LSP1: variants seen among roughly 807,000 people sequenced by gnomAD.
The protein encoded by LSP1 is lymphocyte specific protein 1.
A neutral mutation model predicts 49.3 loss-of-function variants in LSP1; 32 were observed. That is an observed-to-expected ratio of 0.65 (90% CI 0.49 to 0.87). LSP1 has a LOEUF of 0.87. LSP1 is among the 40% of genes least tolerant of loss of function. The pLI, the probability that LSP1 is intolerant of heterozygous loss-of-function variation, is 0.00. For synonymous variants in LSP1, 179 were observed against 178.8 expected (o/e 1.00, Z -0.01); for missense variants, 428 against 442.6 (o/e 0.97, Z 0.30).
chr11:1,871,942 C>T (rs1848033967), intron 1 of LSP1, among the ~76,000 whole-genome samples: 1 of 147,614 alleles, frequency 6.8e-6, no homozygotes, highest in Non-Finnish European at 1.5e-5. Context: ...GTGTGGCGGG[C>T]AGGCCTGGGC....
chr11:1,890,587 C>A, intron 10 of LSP1: 1 of 705,968 alleles, frequency 1.4e-6, no homozygotes, highest in Non-Finnish European at 2.6e-6. Flanking sequence ...ATGAGCATGA[C>A]TGTGTCCTAG....
rs1464330389 is a variant in LSP1 at position 1,887,818 on chromosome 11, CT to C, written c.*13+243del. Among the ~76,000 whole-genome samples the C allele has an allele frequency of 9.2e-5, 14 of 152,200 alleles. 1 individual carries two copies. Among genetic ancestry groups the C allele is most frequent in the Admixed American group, 7.9e-4 (12 of 15,276 alleles). ...TCAGCCCGGCTCAGCCACTGCTCCA[CT>C]AGGGAAGCTCAAGGCTCCCATCTGG... On this transcript the variant is annotated intron_variant, in intron 10 of 10. Transcript: ENST00000311604.
At chr11:1,889,887 G>T in intron 10 of LSP1, 1 of 627,388 alleles carries the variant, frequency 1.6e-6, no homozygotes. Flanking sequence ...CTGGACTGTG[G>T]TGGGCAGTGG....
chr11:1,866,530 G>A (rs779711392), intron 1 of LSP1: 34 of 1,532,966 alleles, frequency 2.2e-5, no homozygotes, highest in Non-Finnish European at 2.5e-5. Flanking sequence ...CTGAGTTCAG[G>A]ACCAGCACCA....
intron 1 of LSP1, chr11:1,870,557 G>A (rs1347866992): frequency 1.7e-6 from 2 of 1,159,632 alleles, no homozygotes; most frequent in African/African-American, 3.2e-5. Context: ...CTGGCTGCTG[G>A]GTGCTACGGT....
intron 1 of LSP1, among the ~76,000 whole-genome samples, chr11:1,877,343 G>C (rs936582083): frequency 1.3e-5 from 2 of 152,196 alleles, no homozygotes; most frequent in African/African-American, 4.8e-5. Flanking sequence ...CACGTCCTCA[G>C]GCTGCTGGGT....
chr11:1,889,908 G>A (rs1346227923), intron 10 of LSP1: 3 of 627,308 alleles, frequency 4.8e-6, no homozygotes, highest in East Asian at 5.5e-5. Flanking sequence ...GCGGATGTGA[G>A]CCACTGGGAC....
At chr11:1,866,263 T>C (rs1410647830) in intron 1 of LSP1, among the ~76,000 whole-genome samples, 1 of 152,246 alleles carries the variant, frequency 6.6e-6, no homozygotes, top group Non-Finnish European at 1.5e-5. Context: ...TGGAGCATGC[T>C]GGCCGGACCT....
At chr11:1,861,455 G>C (rs970451742) in intron 1 of LSP1, among the ~76,000 whole-genome samples, 1 of 152,242 alleles carries the variant, frequency 6.6e-6, no homozygotes, top group African/African-American at 2.4e-5. Context: ...AGGATGGAGA[G>C]ACAGATGGAT....
At position 1,881,461 on chromosome 11, in the gene LSP1, A is replaced by G; in HGVS notation, c.221A>G (p.Glu74Gly). The part of the protein sequence containing the change: ...LLSLKPSEAP[E>G]LDEDEGFGDW... ...AGCCTGAAGCCCTCGGAGGCCCCTG[A>G]ACTGGATGAGGACGAGGGCTTTGGC... The change falls in exon 3 of 11, where the codon GAA becomes GGA. Residue 74 changes from glutamate to glycine, a missense_variant. Glu to Gly is a moderately conservative substitution (Grantham distance 98). Coordinates refer to ENST00000311604, the MANE Select transcript of LSP1 (RefSeq NM_002339.3). 1 of 1,581,088 alleles carries G rather than the reference A, an allele frequency of 6.3e-7. No individual in the cohort carries two copies. Among genetic ancestry groups the G allele is most frequent in the Non-Finnish European group, 8.6e-7 (1 of 1,162,988 alleles).
At chr11:1,853,960 T>C (rs1489091645) in intron 1 of LSP1, among the ~76,000 whole-genome samples, 2 of 152,090 alleles carry the variant, frequency 1.3e-5, no homozygotes, top group East Asian at 3.9e-4. Context: ...GCTAGCGGCT[T>C]AGTAACTGGG....
intron 1 of LSP1, chr11:1,871,270 G>C: frequency 1.0e-6 from 1 of 986,866 alleles, no homozygotes; most frequent in Non-Finnish European, 1.2e-6. Flanking sequence ...GGATGCAGCA[G>C]GCAGGGCCAC....
At chr11:1,856,065 G>A (rs1016262079) in intron 1 of LSP1, among the ~76,000 whole-genome samples, 5 of 152,142 alleles carry the variant, frequency 3.3e-5, no homozygotes, top group Admixed American at 2.0e-4. Flanking sequence ...CCAGCTGCCC[G>A]GGGGTGCCCA....
Position 1,876,605 on chromosome 11 carries a change from C to T in LSP1, c.54-3482C>T, listed in dbSNP as rs924924397. 82 of 985,526 alleles carry T rather than the reference C, an allele frequency of 8.3e-5. 1 individual carries two copies. The Middle Eastern group carries it at 1.6e-3, about 19-fold the overall frequency. The allele number at this position is 985,526 out of a possible 1,614,324, so 61.0% of individuals were successfully genotyped here. On this transcript the variant is annotated intron_variant, in intron 1 of 10. Transcript: ENST00000311604. ...GGCAGAGTCGGGACGGGGACCGAGC[C>T]GGACACCCATTCTGCAAGTGTCTGC... is the stretch of plus-strand genomic sequence containing the variant.
chr11:1,889,697 C>A, intron 10 of LSP1: 3 of 639,638 alleles, frequency 4.7e-6, no homozygotes, highest in East Asian at 5.5e-5. Flanking sequence ...CCATCGGGGG[C>A]TCCTCCAGGT....
chr11:1,866,852 T>A lies in LSP1; in HGVS notation c.54-13235T>A, dbSNP rs1444807203. On this transcript the variant is annotated intron_variant, in intron 1 of 10. Coordinates refer to ENST00000311604, the MANE Select transcript of LSP1 (RefSeq NM_002339.3). ...GGCTGTGCGGTGGCTCACCCCCTTGTCACCAGGGGCTCGGCCATGAGCATC... is the reference window on the plus strand; with the variant it reads ...GGCTGTGCGGTGGCTCACCCCCTTGACACCAGGGGCTCGGCCATGAGCATC... 2.6e-6 allele frequency: 4 copies of A among 1,546,042 alleles called. No individual in the cohort carries two copies. In the African/African-American group the frequency reaches 5.5e-5, roughly 21 times the overall value.
At chr11:1,857,326 G>T (rs1360103200) in intron 1 of LSP1, among the ~76,000 whole-genome samples, 1 of 152,220 alleles carries the variant, frequency 6.6e-6, no homozygotes. Context: ...GTCCAGCTGG[G>T]ACAGGCCCTG....
At chr11:1,883,685 T>A in intron 4 of LSP1, 125 bp downstream of exon 4, 1 of 1,239,280 alleles carries the variant, frequency 8.1e-7, no homozygotes, top group Non-Finnish European at 1.1e-6. Flanking sequence ...CCCACACCCC[T>A]AGACCTTGCA....
chr11:1,875,196 C>T (rs763894820), intron 1 of LSP1, among the ~76,000 whole-genome samples: 8 of 152,150 alleles, frequency 5.3e-5, no homozygotes, highest in Non-Finnish European at 1.2e-4. Flanking sequence ...CTCCGCCCTC[C>T]CCCCCATCAA....
Sources: allele counts gnomAD v4.1 joint callset (sites outside exome capture counted in the v4.1 genomes callset), GRCh38; gene constraint gnomAD v4.1.1; transcripts MANE v1.5; gene names NCBI Gene and HGNC (gene_info 2026-07-23, HGNC 2026-07-21).